The following AFF4 variants were observed in gnomAD, a reference collection of about 807,000 sequenced individuals.
AFF4 encodes the protein ALF transcription elongation factor 4, also known as AF4/FMR2 family member 4.
AFF4 carries 13 observed loss-of-function variants against 124.8 expected under a neutral mutation model. The observed-to-expected ratio is 0.10, with a 90% CI of 0.07 to 0.17. AFF4 has a LOEUF of 0.17. AFF4 is among the 10% of genes least tolerant of loss of function. AFF4 has a pLI of 1.00. For missense variants in AFF4, 1,092 were observed against 1,403.8 expected (o/e 0.78, Z 3.55); for synonymous variants, 477 against 496.1 (o/e 0.96, Z 0.51).
chr5:132,959,956 C>T (rs1229134862), intron 1 of AFF4, among the ~76,000 whole-genome samples: 2 of 151,682 alleles, frequency 1.3e-5, no homozygotes, highest in African/African-American at 2.4e-5. Flanking sequence ...TTAGTAGAGA[C>T]GTGTTAGCCA....
chr5:132,913,300 G>A (rs1040962788), intron 5 of AFF4, among the ~76,000 whole-genome samples: 1 of 152,060 alleles, frequency 6.6e-6, no homozygotes, highest in African/African-American at 2.4e-5. Context: ...AACAAAGCAA[G>A]AACATATATA....
Position 132,946,185 on chromosome 5 carries a change from GCAGA to G in AFF4, c.-4-8996_-4-8993del, listed in dbSNP as rs138465750. Reference sequence around the variant, plus strand: ...CAAAATAACACGTGTTGGTGAGGATGCAGACAAATTGTAACCTTTGTGCACTGCT... The same window carrying G: ...CAAAATAACACGTGTTGGTGAGGATGCAAATTGTAACCTTTGTGCACTGCT... On this transcript the variant is annotated intron_variant, in intron 1 of 20. Coordinates refer to ENST00000265343, the MANE Select transcript of AFF4 (RefSeq NM_014423.4). Among the ~76,000 whole-genome samples the G allele has an allele frequency of 4.5e-3, 687 of 152,322 alleles. 9 individuals are homozygous for G. The highest frequency in any genetic ancestry group is 0.016 in the African/African-American group (670 of 41,566).
rs192255963 is a variant in AFF4 at position 132,952,880 on chromosome 5, G to A, written c.-5+10379C>T. On this transcript the variant is annotated intron_variant, in intron 1 of 20. Coordinates refer to ENST00000265343, the MANE Select transcript of AFF4 (RefSeq NM_014423.4). ...ACCACTGCACTCTAGTTTAAGTGAC[G>A]GAGTGAGACTCTGTCTCAAACAAAA... Among the ~76,000 whole-genome samples, 530 of 151,846 alleles carry A rather than the reference G, an allele frequency of 3.5e-3. 3 individuals are homozygous for A. Among genetic ancestry groups the A allele is most frequent in the Non-Finnish European group, 5.7e-3 (390 of 67,960 alleles).
chr5:132,899,647 G>C lies in AFF4; in HGVS notation c.1134-6C>G. On this transcript the variant is annotated splice_polypyrimidine_tract_variant and splice_region_variant and intron_variant, in intron 7 of 20. Transcript: ENST00000265343. The stretch of plus-strand genomic sequence containing the variant: ...TTAAGTCATCTTTTAACATACTAGA[G>C]GGAAAAGACAAAGAATTATTATTTT... 1.2e-6 allele frequency: 2 copies of C among 1,607,528 alleles called. No homozygotes were observed. Among genetic ancestry groups the C allele is most frequent in the South Asian group, 2.2e-5 (2 of 90,680 alleles).
At chr5:132,932,348 A>C (rs1193816943) in intron 3 of AFF4, 126 bp from the exon 4 acceptor site, 1 of 582,888 alleles carries the variant, frequency 1.7e-6, no homozygotes, top group Non-Finnish European at 2.7e-6. Flanking sequence ...ACTGGTTAGA[A>C]TCTTTGGATT....
At position 132,879,821 on chromosome 5, in the gene AFF4, G is replaced by A. The variant is rs759100509; in HGVS notation, c.*1238C>T. ...CAAGAGCTCACACTGAATCAAGTTA[G>A]GTACACTTTTCTAGTGTGAAATTTT... is the stretch of plus-strand genomic sequence containing the variant. On this transcript the variant is annotated 3_prime_UTR_variant, in exon 21 of 21. Coordinates refer to ENST00000265343, the MANE Select transcript of AFF4 (RefSeq NM_014423.4). The A allele has an allele frequency of 4.8e-5, 11 of 230,834 alleles. No individual in the cohort carries two copies. The highest frequency in any genetic ancestry group is 9.4e-5 in the Non-Finnish European group (11 of 117,162). 14.3% of individuals were successfully genotyped at this position (230,834 alleles called of 1,614,324 possible).
intron 1 of AFF4, among the ~76,000 whole-genome samples, chr5:132,954,474 C>A (rs1416063119): frequency 6.6e-6 from 1 of 151,850 alleles, no homozygotes; most frequent in Admixed American, 6.6e-5. Context: ...CCCATACCGG[C>A]TCATGGCAGC....
chr5:132,959,471 AT>A lies in AFF4; in HGVS notation c.-5+3787del, dbSNP rs148743157. On this transcript the variant is annotated intron_variant, in intron 1 of 20. Transcript: ENST00000265343. Reference sequence around the variant, plus strand: ...ATAGCTGATAAAGCAGGTAGCTAAGATTTTTTTTCTTCAAAAATAGAATAGG... The same window carrying A: ...ATAGCTGATAAAGCAGGTAGCTAAGATTTTTTTCTTCAAAAATAGAATAGG... 4.6e-5 allele frequency among the ~76,000 whole-genome samples: 7 copies of A among 151,934 alleles called. 1 individual carries two copies. Among genetic ancestry groups the A allele is most frequent in the East Asian group, 1.9e-4 (1 of 5,160 alleles).
chr5:132,911,288 C>T (rs1188528314), intron 5 of AFF4, among the ~76,000 whole-genome samples: 1 of 151,952 alleles, frequency 6.6e-6, no homozygotes, highest in Non-Finnish European at 1.5e-5. Context: ...AGTCTTTTAC[C>T]CTCATCTTTC....
intron 3 of AFF4, 79 bp from the exon 4 acceptor site, chr5:132,932,301 T>A: frequency 8.2e-7 from 1 of 1,218,492 alleles, no homozygotes; most frequent in Non-Finnish European, 1.2e-6. Context: ...AAAACATTAT[T>A]AAAAGTATTT....
chr5:132,885,980 G>A (rs1760108673), intron 18 of AFF4, among the ~76,000 whole-genome samples: 1 of 152,014 alleles, frequency 6.6e-6, no homozygotes, highest in Non-Finnish European at 1.5e-5. Flanking sequence ...CACCATGTTG[G>A]CCAAGATGGT....
chr5:132,898,351 T>C lies in AFF4; in HGVS notation c.1268A>G (p.Asn423Ser), dbSNP rs1242460102. 1 of 1,614,214 alleles carries C rather than the reference T, an allele frequency of 6.2e-7. No individual in the cohort carries two copies. The highest frequency in any genetic ancestry group is 1.1e-5 in the South Asian group (1 of 91,082). ...PSHHNSEGAD[N>S]SRDDSSSHSG... ...GTGGCTACTAGAATCATCCCTGGAG[T>C]TATCTGCTCCTTCACTATTATGGTG... is the stretch of plus-strand genomic sequence containing the variant. Residue 423 changes from asparagine to serine, a missense_variant, in exon 10 of 21, where the codon AAC becomes AGC. Around this residue, in one of 11 missense-constraint regions of AFF4, gnomAD observed 148 missense variants for 196.3 expected, o/e 0.75. Coordinates refer to ENST00000265343, the MANE Select transcript of AFF4 (RefSeq NM_014423.4).
chr5:132,910,648 C>T (rs1361803186), intron 5 of AFF4, among the ~76,000 whole-genome samples: 1 of 152,194 alleles, frequency 6.6e-6, no homozygotes, highest in African/African-American at 2.4e-5. Context: ...AAGCAACCCA[C>T]CTTAGCAACA....
intron 4 of AFF4, among the ~76,000 whole-genome samples, chr5:132,929,721 G>C (rs1336402242): frequency 6.6e-6 from 1 of 152,156 alleles, no homozygotes; most frequent in African/African-American, 2.4e-5. Context: ...GAGAGGTTAG[G>C]ATTGGCCTGC....
chr5:132,883,095 C>T (rs2525485), intron 20 of AFF4, among the ~76,000 whole-genome samples: 1 of 151,804 alleles, frequency 6.6e-6, no homozygotes, highest in African/African-American at 2.4e-5. Context: ...AGAATATAAG[C>T]ACATTTGTCT....
intron 5 of AFF4, among the ~76,000 whole-genome samples, chr5:132,907,422 A>G (rs1581290276): frequency 6.6e-6 from 1 of 152,184 alleles, no homozygotes; most frequent in Non-Finnish European, 1.5e-5. Flanking sequence ...AAACAATGAT[A>G]AGCAAAAACT....
chr5:132,927,307 G>T, intron 4 of AFF4, 100 bp from the exon 5 acceptor site: 1 of 978,644 alleles, frequency 1.0e-6, no homozygotes, highest in Non-Finnish European at 1.5e-6. Flanking sequence ...TTTCATGACA[G>T]CTCCTCCAAA....
At chr5:132,908,780 T>A (rs999129179) in intron 5 of AFF4, among the ~76,000 whole-genome samples, 72 of 144,822 alleles carry the variant, frequency 5.0e-4, no homozygotes, top group African/African-American at 1.7e-3. Context: ...ATATATATTT[T>A]TTTTTTTTGA....
chr5:132,898,546 C>G lies in AFF4; in HGVS notation c.1227-154G>C, dbSNP rs142891204. On this transcript the variant is annotated intron_variant, in intron 9 of 20. Transcript: ENST00000265343. ...TGGCCCAGGCTGGAATGCAGTGGCA[C>G]GATCTCAGCTCACTGCAACCTCCGC... Among the ~76,000 whole-genome samples the G allele has an allele frequency of 2.0e-5, 3 of 151,764 alleles. No individual in the cohort carries two copies. The South Asian group carries it at 6.2e-4, about 31-fold the overall frequency.
Sources: gnomAD v4.1 joint callset for allele counts (sites outside exome capture counted in the v4.1 genomes callset) on GRCh38, gnomAD v4.1.1 for gene constraint, gnomAD v4.1.1 regional missense constraint, MANE v1.5 for transcripts, NCBI Gene and HGNC (gene_info 2026-07-23, HGNC 2026-07-21) for gene names.